ADAD1: variants seen among roughly 807,000 people sequenced by gnomAD.
ADAD1 encodes the protein adenosine deaminase domain containing 1.
In ADAD1, 46 loss-of-function variants were observed where a neutral mutation model predicts 66.8. That is an observed-to-expected ratio of 0.69 (90% CI 0.54 to 0.88). ADAD1 has a LOEUF of 0.88. ADAD1 is among the 40% of genes least tolerant of loss of function. ADAD1 has a pLI of 0.00. For synonymous variants in ADAD1, 248 were observed against 229.4 expected (o/e 1.08, Z -0.73); for missense variants, 617 against 681.8 (o/e 0.91, Z 1.06).
In ADAD1 at chr4:122,396,234, GTTTTGA is replaced by G. The variant is rs1795706672; in HGVS notation, c.599-13_599-8del. On this transcript the variant is annotated splice_polypyrimidine_tract_variant and intron_variant, in intron 6 of 12. Coordinates refer to ENST00000296513, the MANE Select transcript of ADAD1 (RefSeq NM_139243.4). ...GGAGCACAATGTTCTTGAAATTTAT[GTTTTGA>G]TTTTTTTCTAGAAGGGAGACATATT... 6.4e-7 allele frequency: 1 copy of G among 1,554,474 alleles called. No individual in the cohort carries two copies. The highest frequency in any genetic ancestry group is 1.3e-5 in the South Asian group (1 of 78,832).
At chr4:122,406,694 A>G (rs1032072402) in intron 7 of ADAD1, among the ~76,000 whole-genome samples, 16 of 151,926 alleles carry the variant, frequency 1.1e-4, no homozygotes, top group African/African-American at 3.1e-4. Flanking sequence ...CACCCCACTT[A>G]CTAGATTAGC....
chr4:122,390,399 T>C (rs1795375739), intron 5 of ADAD1, among the ~76,000 whole-genome samples: 1 of 152,216 alleles, frequency 6.6e-6, no homozygotes. Flanking sequence ...ATTTGCACTT[T>C]GTCCTGTCTT....
rs1796523724 is a variant in ADAD1 at position 122,412,735 on chromosome 4, G to A, written c.1175G>A (p.Trp392Ter). The part of the protein sequence containing the change: ...SMSSSDKLTR[W>*]EVLGVQGALL... Reference sequence around the variant, plus strand: ...TCCTCAAGTGACAAATTGACCAGATGGGAAGTGCTTGGTGTACAGGGAGCA... The same window carrying A: ...TCCTCAAGTGACAAATTGACCAGATAGGAAGTGCTTGGTGTACAGGGAGCA... The change falls in exon 10 of 13, where the codon TGG (tryptophan) becomes TAG (stop). Residue 392 changes from tryptophan (W) to a stop codon, truncating the protein, a stop_gained. Transcript: ENST00000296513. LOFTEE classifies it high-confidence loss of function. 1.2e-6 allele frequency: 2 copies of A among 1,613,772 alleles called. No individual in the cohort carries two copies. Among genetic ancestry groups the A allele is most frequent in the Admixed American group, 1.7e-5 (1 of 59,984 alleles).
chr4:122,398,515 T>C (rs1795821894), intron 7 of ADAD1, among the ~76,000 whole-genome samples: 1 of 152,208 alleles, frequency 6.6e-6, no homozygotes, highest in African/African-American at 2.4e-5. Context: ...TTGGATCAAA[T>C]GATAATTCTA....
intron 7 of ADAD1, among the ~76,000 whole-genome samples, chr4:122,403,251 A>G (rs1471654182): frequency 6.6e-6 from 1 of 151,850 alleles, no homozygotes; most frequent in Non-Finnish European, 1.5e-5. Context: ...TGCAGTGATT[A>G]TTATTGCCCT....
At chr4:122,383,035 C>G (rs1049885779) in intron 4 of ADAD1, among the ~76,000 whole-genome samples, 2 of 152,034 alleles carry the variant, frequency 1.3e-5, no homozygotes, top group Non-Finnish European at 2.9e-5. Flanking sequence ...CTAAAGGCCT[C>G]CTAAAGTCTA....
intron 3 of ADAD1, 38 bp downstream of exon 3, chr4:122,380,279 T>TG (rs1580728146): frequency 6.3e-7 from 1 of 1,577,870 alleles, no homozygotes. Context: ...AGTCAGTTCT[T>TG]TAAGATTCTA....
intron 5 of ADAD1, among the ~76,000 whole-genome samples, chr4:122,393,036 A>AT (rs34759757): frequency 0.21 from 25,718 of 123,012 alleles, 2,825 homozygotes; most frequent in Non-Finnish European, 0.26. Flanking sequence ...AATTTTCCTG[A>AT]TTTTTTTTTT....
At chr4:122,408,118 A>G (rs1796300365) in intron 8 of ADAD1, 87 bp downstream of exon 8, 1 of 1,369,552 alleles carries the variant, frequency 7.3e-7, no homozygotes, top group Admixed American at 2.2e-5. Flanking sequence ...TTACAAATGG[A>G]ATTTTATTGA....
At chr4:122,383,773 G>A (rs767678669) in intron 4 of ADAD1, 26 bp from the exon 5 acceptor site, 30 of 1,561,224 alleles carry the variant, frequency 1.9e-5, no homozygotes, top group Non-Finnish European at 2.3e-5. Flanking sequence ...AATTATTGTA[G>A]CATTCATTCT....
intron 12 of ADAD1, among the ~76,000 whole-genome samples, chr4:122,428,101 TGTCA>T (rs1242532601): frequency 6.6e-6 from 1 of 152,176 alleles, no homozygotes; most frequent in Non-Finnish European, 1.5e-5. Context: ...TAGATCTTTA[TGTCA>T]GTCATACACA....
chr4:122,383,998 G>C (rs201856156), intron 5 of ADAD1, 32 bp downstream of exon 5: 3 of 1,521,248 alleles, frequency 2.0e-6, no homozygotes. Flanking sequence ...GTATTTATAA[G>C]AGGTATCATT....
rs34759757 is a variant in ADAD1 at position 122,393,036 on chromosome 4, A to ATT, written c.530-536_530-535dup. 5.4e-3 allele frequency among the ~76,000 whole-genome samples: 667 copies of ATT among 123,090 alleles called. 6 individuals are homozygous for ATT. Among genetic ancestry groups the ATT allele is most frequent in the African/African-American group, 0.014 (448 of 32,398 alleles). The allele number at this position is 123,090 out of a possible 152,430, so 80.8% of individuals were successfully genotyped here. On this transcript the variant is annotated intron_variant, in intron 5 of 12. Coordinates refer to ENST00000296513, the MANE Select transcript of ADAD1 (RefSeq NM_139243.4). ...GCAGCCTCTTCCTTAAATTTTCCTGATTTTTTTTTTTTTTTTTTGTCCCTC... is the reference window on the plus strand; with the variant it reads ...GCAGCCTCTTCCTTAAATTTTCCTGATTTTTTTTTTTTTTTTTTTTGTCCCTC...
chr4:122,386,389 G>A (rs970209060), intron 5 of ADAD1, among the ~76,000 whole-genome samples: 1 of 152,116 alleles, frequency 6.6e-6, no homozygotes, highest in Non-Finnish European at 1.5e-5. Flanking sequence ...TTTTTGATGG[G>A]ATTGTTTTTT....
At chr4:122,405,017 A>C (rs59236433) in intron 7 of ADAD1, among the ~76,000 whole-genome samples, 2,660 of 152,330 alleles carry the variant, frequency 0.017, 81 homozygotes, top group African/African-American at 0.061. Flanking sequence ...GCTGAGAAAG[A>C]AGCTGAGTTC....
At chr4:122,394,459 G>T (rs1448863505) in intron 6 of ADAD1, among the ~76,000 whole-genome samples, 1 of 152,164 alleles carries the variant, frequency 6.6e-6, no homozygotes, top group Non-Finnish European at 1.5e-5. Context: ...AGGCCTGCAG[G>T]TTAGGATTTG....
chr4:122,384,852 C>G (rs537591323), intron 5 of ADAD1, among the ~76,000 whole-genome samples: 26 of 152,268 alleles, frequency 1.7e-4, no homozygotes, highest in African/African-American at 6.0e-4. Context: ...ACTTTGAAAA[C>G]TAAGGCAGCA....
intron 11 of ADAD1, among the ~76,000 whole-genome samples, chr4:122,418,616 A>G (rs1796864681): frequency 6.6e-6 from 1 of 151,796 alleles, no homozygotes; most frequent in Non-Finnish European, 1.5e-5. Context: ...GCCACCAATA[A>G]ACGTTATTTT....
At chr4:122,382,697 G>C (rs1470308436) in intron 4 of ADAD1, among the ~76,000 whole-genome samples, 3 of 152,162 alleles carry the variant, frequency 2.0e-5, no homozygotes, top group Non-Finnish European at 4.4e-5. Context: ...GGGATTATGA[G>C]TGTGAGCCAG....
Sources: gnomAD v4.1 joint callset for allele counts (sites outside exome capture counted in the v4.1 genomes callset) on GRCh38, gnomAD v4.1.1 for gene constraint, MANE v1.5 for transcripts, NCBI Gene and HGNC (gene_info 2026-07-23, HGNC 2026-07-21) for gene names.